Variants in PSD3 observed in about 807,000 individuals in gnomAD.
PSD3 encodes pleckstrin and Sec7 domain containing 3.
In PSD3, 49 loss-of-function variants were observed where a neutral mutation model predicts 105.5. That is an observed-to-expected ratio of 0.46 (90% CI 0.37 to 0.59). The LOEUF (loss-of-function observed/expected upper bound fraction) is 0.59, where lower values mean the gene tolerates loss of function less well. Ranked by LOEUF, PSD3 falls within the 20% of genes least tolerant of loss-of-function variation. The pLI is 0.00. For missense variants in PSD3, 1,561 were observed against 1,263.8 expected, an observed-to-expected ratio of 1.24 and a Z score of -3.57; for synonymous variants, 557 against 457.8, an observed-to-expected ratio of 1.22 and a Z score of -2.77.
intron 1 of PSD3, among the ~76,000 whole-genome samples, chr8:19,075,142 T>G (rs1402979070): frequency 6.6e-6 from 1 of 151,222 alleles, no homozygotes; most frequent in African/African-American, 2.4e-5. Context: ...GAGACAGGAT[T>G]TCACCATGTT....
intron 12 of PSD3, among the ~76,000 whole-genome samples, chr8:18,584,399 G>C (rs571360663): frequency 2.6e-5 from 4 of 152,196 alleles, no homozygotes; most frequent in African/African-American, 7.2e-5. Flanking sequence ...TCTCACACTA[G>C]AGTGTTCATA....
chr8:18,774,176 T>C (rs1807811349), intron 8 of PSD3, among the ~76,000 whole-genome samples: 1 of 115,934 alleles, frequency 8.6e-6, no homozygotes, highest in Non-Finnish European at 2.3e-5. Context: ...CCTTTAGTTA[T>C]TCCTTTAATT....
At chr8:18,820,505 T>A (rs1162907791) in intron 4 of PSD3, among the ~76,000 whole-genome samples, 2 of 152,170 alleles carry the variant, frequency 1.3e-5, no homozygotes, top group African/African-American at 4.8e-5. Flanking sequence ...CTATATACAC[T>A]CTGCTGTATA....
intron 2 of PSD3, among the ~76,000 whole-genome samples, chr8:18,887,823 T>C (rs1291912897): frequency 6.6e-6 from 1 of 152,168 alleles, no homozygotes; most frequent in Non-Finnish European, 1.5e-5. Flanking sequence ...TTCTGATAAG[T>C]AATAATATAA....
chr8:18,724,850 G>C (rs1164181274), intron 9 of PSD3, among the ~76,000 whole-genome samples: 1 of 152,068 alleles, frequency 6.6e-6, no homozygotes, highest in Admixed American at 6.6e-5. Flanking sequence ...TGCGTCCCTG[G>C]ATATAAGGAG....
At chr8:18,763,472 T>C (rs1806713180) in intron 9 of PSD3, among the ~76,000 whole-genome samples, 1 of 152,040 alleles carries the variant, frequency 6.6e-6, no homozygotes, top group Non-Finnish European at 1.5e-5. Context: ...AACAATATTT[T>C]CCCCCAGAAT....
At chr8:18,876,931 T>G (rs746696627) in intron 2 of PSD3, among the ~76,000 whole-genome samples, 2 of 152,228 alleles carry the variant, frequency 1.3e-5, no homozygotes, top group Admixed American at 1.3e-4. Flanking sequence ...TAATGACTAA[T>G]TATGTTGAGC....
At position 18,974,357 on chromosome 8, in the gene PSD3, C is replaced by G. The variant is rs117531126; in HGVS notation, c.22-38215G>C. Among the ~76,000 whole-genome samples, 915 of 152,338 alleles carry G rather than the reference C, an allele frequency of 6.0e-3. 6 individuals carry two copies. The highest frequency in any genetic ancestry group is 0.011 in the Non-Finnish European group (737 of 68,030). ...AATTACAATGCACTCCAACTAGGCTCTGACTTGGCTCAGGCCCTGGGATCT... is the reference window on the plus strand; with the variant it reads ...AATTACAATGCACTCCAACTAGGCTGTGACTTGGCTCAGGCCCTGGGATCT... On this transcript the variant is annotated intron_variant, in intron 1 of 15. Coordinates refer to ENST00000327040, the MANE Select transcript of PSD3 (RefSeq NM_015310.4).
chr8:18,641,098 C>T (rs1807609356), intron 10 of PSD3, among the ~76,000 whole-genome samples: 2 of 152,230 alleles, frequency 1.3e-5, no homozygotes, highest in South Asian at 4.1e-4. Context: ...CAGCTCTCTG[C>T]TCTGTGTATA....
intron 1 of PSD3, among the ~76,000 whole-genome samples, chr8:18,954,195 C>A (rs1420499456): frequency 6.6e-6 from 1 of 151,898 alleles, no homozygotes; most frequent in Non-Finnish European, 1.5e-5. Context: ...ATTAACACGG[C>A]ACATAAACAT....
rs150585369 is a variant in PSD3 at position 18,638,134 on chromosome 8, G to A, written c.2217-5328C>T. Among the ~76,000 whole-genome samples the A allele has an allele frequency of 1.5e-3, 206 of 135,356 alleles. 1 individual carries two copies. In the East Asian group the frequency reaches 0.024, roughly 16 times the overall value. The allele number at this position is 135,356 out of a possible 152,430, so 88.8% of individuals were successfully genotyped here. A position where few individuals can be genotyped will look rare whatever the true frequency, so the allele number is the denominator to read the frequency against. ...CACGCCACTGCACTCCAGCCTGGGC[G>A]ACAGAGCGAGATTCCATCTCAAAAA... On this transcript the variant is annotated intron_variant, in intron 10 of 15. Transcript: ENST00000327040.
intron 9 of PSD3, among the ~76,000 whole-genome samples, chr8:18,751,235 G>C (rs1360564529): frequency 6.6e-6 from 1 of 152,174 alleles, no homozygotes; most frequent in Non-Finnish European, 1.5e-5. Flanking sequence ...AGCGCTGGTG[G>C]GCCGGCACTG....
At chr8:18,661,330 G>A (rs772158643) in intron 9 of PSD3, among the ~76,000 whole-genome samples, 6 of 152,116 alleles carry the variant, frequency 3.9e-5, no homozygotes, top group Non-Finnish European at 5.9e-5. Context: ...ATGCTATGCT[G>A]GCTCTCATGC....
intron 1 of PSD3, among the ~76,000 whole-genome samples, chr8:19,027,108 T>C (rs1488162676): frequency 6.6e-6 from 1 of 152,140 alleles, no homozygotes; most frequent in Non-Finnish European, 1.5e-5. Context: ...AACCCTTACA[T>C]TGGAAAATCT....
chr8:18,771,654 T>C (rs1347641494), intron 8 of PSD3, among the ~76,000 whole-genome samples: 3 of 152,194 alleles, frequency 2.0e-5, no homozygotes, highest in Non-Finnish European at 4.4e-5. Flanking sequence ...AGACCATAAA[T>C]GTATGGGATT....
chr8:18,682,003 C>CAA (rs10612158), intron 9 of PSD3, among the ~76,000 whole-genome samples: 37 of 115,514 alleles, frequency 3.2e-4, no homozygotes, highest in East Asian at 2.9e-3. Context: ...TTGCAATATT[C>CAA]AAAAAAAAAA....
chr8:18,605,353 G>A (rs1406855488), intron 11 of PSD3, among the ~76,000 whole-genome samples: 1 of 144,180 alleles, frequency 6.9e-6, no homozygotes, highest in Non-Finnish European at 1.5e-5. Flanking sequence ...CTGGGTTTCA[G>A]ACTTCTATGG....
intron 4 of PSD3, among the ~76,000 whole-genome samples, chr8:18,825,397 G>C (rs1813092384): frequency 6.6e-6 from 1 of 152,178 alleles, no homozygotes; most frequent in South Asian, 2.1e-4. Context: ...CAGATTCACA[G>C]GTTCTGGGGT....
intron 2 of PSD3, among the ~76,000 whole-genome samples, chr8:18,928,049 G>A (rs1338611821): frequency 6.6e-6 from 1 of 152,150 alleles, no homozygotes; most frequent in African/African-American, 2.4e-5. Context: ...TTGTACAACA[G>A]TTCTCCTAAC....
Sources: allele counts gnomAD v4.1 joint callset (sites outside exome capture counted in the v4.1 genomes callset), GRCh38; gene constraint gnomAD v4.1.1; transcripts MANE v1.5; gene names NCBI Gene and HGNC (gene_info 2026-07-23, HGNC 2026-07-21).